The following TEX29 variants were observed in gnomAD, a reference collection of about 807,000 sequenced individuals.
The protein encoded by TEX29 is testis expressed 29.
In TEX29, 26 loss-of-function variants were observed where a neutral mutation model predicts 18.2. That is an observed-to-expected ratio of 1.43 (90% confidence interval 1.04 to 1.98). TEX29 has a LOEUF of 1.98. Among genes scored for constraint, TEX29 ranks in the 30% most tolerant of loss-of-function variants. The pLI is 0.00. For synonymous variants in TEX29, 83 were observed against 78.5 expected, an observed-to-expected ratio of 1.06 and a Z score of -0.31; for missense variants, 177 against 194.2, an observed-to-expected ratio of 0.91 and a Z score of 0.53.
chr13:111,339,771 C>G (rs972919532), intron 3 of TEX29, 92 bp from the exon 4 acceptor site: 16 of 1,357,070 alleles, frequency 1.2e-5, no homozygotes, highest in Non-Finnish European at 1.7e-5. Context: ...CGGGAGGGCC[C>G]GCACCCGACT....
At chr13:111,339,965 G>C (rs763830363) in intron 4 of TEX29, 33 bp downstream of exon 4, 15 of 1,487,136 alleles carry the variant, frequency 1.0e-5, no homozygotes, top group Admixed American at 3.3e-5. Flanking sequence ...GGGAGGGTGG[G>C]GAGGAGGGGA....
chr13:111,323,236 T>C (rs1187682429), intron 2 of TEX29, among the ~76,000 whole-genome samples: 1 of 152,202 alleles, frequency 6.6e-6, no homozygotes, highest in Non-Finnish European at 1.5e-5. Context: ...TAGCAGGTGA[T>C]GGCCTGAGGC....
upstream of TEX29, among the ~76,000 whole-genome samples, chr13:111,320,044 C>T (rs1012521001): frequency 6.6e-6 from 1 of 152,250 alleles, no homozygotes; most frequent in Non-Finnish European, 1.5e-5. Context: ...TGCGGCATCT[C>T]GGCTCCTTGT....
At position 111,342,835 on chromosome 13, in the gene TEX29, T is replaced by C. The variant is rs775004490; in HGVS notation, c.319T>C (p.Leu107=). The C allele has an allele frequency of 6.2e-7, 1 of 1,614,010 alleles. No homozygotes were observed. The highest frequency in any genetic ancestry group is 1.1e-5 in the South Asian group (1 of 91,068). The change falls in exon 5 of 6, where the codon TTG becomes CTG. Residue 107 remains leucine (L), a synonymous_variant. Transcript: ENST00000283547. The stretch of plus-strand genomic sequence containing the variant: ...ACAGAAGTCCAGCGAAAAGGCGGAG[T>C]TGGCCTCATCCAGCAGCAAGTTAGG... The part of the protein sequence containing the change: ...LPQKSSEKAE[L]ASSSSKLGLK...
intron 2 of TEX29, among the ~76,000 whole-genome samples, chr13:111,326,779 C>T (rs2093674681): frequency 1.3e-5 from 2 of 152,138 alleles, no homozygotes; most frequent in African/African-American, 4.8e-5. Flanking sequence ...CTGCTGTCAT[C>T]ACCTGCGTCA....
At chr13:111,343,229 C>T (rs575743313) in intron 5 of TEX29, among the ~76,000 whole-genome samples, 12 of 152,154 alleles carry the variant, frequency 7.9e-5, no homozygotes, top group Non-Finnish European at 1.8e-4. Context: ...TGGGAAGCTC[C>T]TGGGGAGGGG....
At chr13:111,333,922 A>G (rs2153641809) in intron 3 of TEX29, among the ~76,000 whole-genome samples, 1 of 152,328 alleles carries the variant, frequency 6.6e-6, no homozygotes, top group South Asian at 2.1e-4. Context: ...ACAATTCGAG[A>G]TGAGATTTGA....
In TEX29 at chr13:111,320,880, C is replaced by T; in HGVS notation, c.-11C>T. 6 of 1,613,158 alleles carry T rather than the reference C, an allele frequency of 3.7e-6. No individual in the cohort carries two copies. The highest frequency in any genetic ancestry group is 2.2e-5 in the South Asian group (2 of 91,072). On this transcript the variant is annotated 5_prime_UTR_variant, in exon 2 of 6. Coordinates refer to ENST00000283547, the MANE Select transcript of TEX29 (RefSeq NM_152324.3). ...AGGTGTGCTCGGCCCCTTCATCTGTCAGCTGCAGCAATGGAATACGTGCTG... is the reference window on the plus strand; with the variant it reads ...AGGTGTGCTCGGCCCCTTCATCTGTTAGCTGCAGCAATGGAATACGTGCTG...
At chr13:111,339,486 C>T in intron 3 of TEX29, 1 of 402,824 alleles carries the variant, frequency 2.5e-6, no homozygotes, top group South Asian at 1.9e-5. Flanking sequence ...GGTCAGGAGC[C>T]AGCGCCGTCT....
At chr13:111,321,877 TTGTG>T (rs1436641781) in intron 2 of TEX29, among the ~76,000 whole-genome samples, 3 of 152,192 alleles carry the variant, frequency 2.0e-5, no homozygotes, top group Non-Finnish European at 4.4e-5. Flanking sequence ...TGAGCTGAGA[TTGTG>T]CCACTCCACT....
chr13:111,325,761 C>T (rs536379532), intron 2 of TEX29, among the ~76,000 whole-genome samples: 50 of 152,242 alleles, frequency 3.3e-4, no homozygotes, highest in South Asian at 2.3e-3. Flanking sequence ...GACGGCTGGG[C>T]GGTCAGATGC....
chr13:111,326,303 T>C (rs368028279), intron 2 of TEX29, among the ~76,000 whole-genome samples: 452 of 34,732 alleles, frequency 0.013, no homozygotes, highest in East Asian at 0.11. Flanking sequence ...GCGGGCAGTG[T>C]GAGCCTGTCT....
chr13:111,331,656 C>A (rs34335402), intron 3 of TEX29, among the ~76,000 whole-genome samples: 9,023 of 152,096 alleles, frequency 0.059, 391 homozygotes, highest in Middle Eastern at 0.14. Context: ...AATATTTATA[C>A]CTGTAATATC....
chr13:111,339,771 C>T (rs972919532), intron 3 of TEX29, 92 bp from the exon 4 acceptor site: 36 of 1,357,064 alleles, frequency 2.7e-5, no homozygotes, highest in East Asian at 4.6e-5. Flanking sequence ...CGGGAGGGCC[C>T]GCACCCGACT....
chr13:111,330,914 G>C (rs35781234), intron 3 of TEX29, among the ~76,000 whole-genome samples: 9,035 of 152,316 alleles, frequency 0.059, 389 homozygotes, highest in Middle Eastern at 0.14. Context: ...ATTGTCCACT[G>C]TATAGGTATG....
Position 111,343,577 on chromosome 13 carries a change from G to A in TEX29, c.416-506G>A, listed in dbSNP as rs143609288. Among the ~76,000 whole-genome samples, 924 of 152,328 alleles carry A rather than the reference G, an allele frequency of 6.1e-3. 10 individuals are homozygous for A. The highest frequency in any genetic ancestry group is 0.021 in the African/African-American group (887 of 41,562). ...TTACCTGCTTTGGGGGCCCTTGGAG[G>A]TTGCCGGTTGCTTTTCCTAGATCAG... On this transcript the variant is annotated intron_variant, in intron 5 of 5. Coordinates refer to ENST00000283547, the MANE Select transcript of TEX29 (RefSeq NM_152324.3).
At chr13:111,328,868 C>A (rs74126339) in intron 3 of TEX29, among the ~76,000 whole-genome samples, 1 of 152,136 alleles carries the variant, frequency 6.6e-6, no homozygotes, top group African/African-American at 2.4e-5. Context: ...GTAAGGGCGC[C>A]GGAGGCGTTG....
intron 4 of TEX29, among the ~76,000 whole-genome samples, chr13:111,342,471 G>T (rs2093698037): frequency 7.0e-6 from 1 of 142,688 alleles, no homozygotes; most frequent in African/African-American, 2.7e-5. Flanking sequence ...GAGGTGGGAG[G>T]ATTACTTGAG....
chr13:111,329,381 C>T (rs184632604), intron 3 of TEX29, among the ~76,000 whole-genome samples: 4 of 152,134 alleles, frequency 2.6e-5, no homozygotes, highest in African/African-American at 7.2e-5. Context: ...TGAGTAAAGG[C>T]CCCTGGCTTT....
Sources: gnomAD v4.1 joint callset for allele counts (sites outside exome capture counted in the v4.1 genomes callset) on GRCh38, gnomAD v4.1.1 for gene constraint, MANE v1.5 for transcripts, NCBI Gene and HGNC (gene_info 2026-07-23, HGNC 2026-07-21) for gene names.